The following DGLUCY variants were observed in gnomAD, a reference collection of about 807,000 sequenced individuals.
The protein encoded by DGLUCY is D-glutamate cyclase, also known as D-glutamate cyclase, mitochondrial.
In DGLUCY, 58 loss-of-function variants were observed where a neutral mutation model predicts 58.5. The observed-to-expected ratio is 0.99, with a 90% CI of 0.80 to 1.23. DGLUCY has a LOEUF of 1.23. Ranked by LOEUF, DGLUCY falls within the 50% of genes most tolerant of loss-of-function variation. The probability of loss-of-function intolerance (pLI) is 0.00; values close to 1 mark genes in which losing one functional copy is unlikely to be tolerated. For synonymous variants in DGLUCY, 325 were observed against 314.1 expected (o/e 1.03, Z -0.37); for missense variants, 779 against 784.7 (o/e 0.99, Z 0.09).
At chr14:91,143,132 G>T (rs1392917422) in intron 1 of DGLUCY, among the ~76,000 whole-genome samples, 1 of 149,352 alleles carries the variant, frequency 6.7e-6, no homozygotes. Flanking sequence ...GTCTTGCTCT[G>T]TCGCCCAGGC....
At chr14:91,131,650 G>A (rs982056089) in intron 1 of DGLUCY, among the ~76,000 whole-genome samples, 3 of 151,752 alleles carry the variant, frequency 2.0e-5, no homozygotes, top group Non-Finnish European at 2.9e-5. Context: ...GGTGTGTGAT[G>A]TTCCCCTTCC....
intron 1 of DGLUCY, among the ~76,000 whole-genome samples, chr14:91,089,587 C>T (rs902988048): frequency 2.0e-5 from 3 of 152,038 alleles, no homozygotes; most frequent in Non-Finnish European, 2.9e-5. Context: ...TTTGGGAGGC[C>T]GAGGCGAGCG....
intron 12 of DGLUCY, among the ~76,000 whole-genome samples, chr14:91,213,369 A>G (rs984439199): frequency 6.6e-6 from 1 of 152,118 alleles, no homozygotes; most frequent in Admixed American, 6.6e-5. Flanking sequence ...CAGGAAGCAG[A>G]GGTTGCAGTG....
chr14:91,167,069 G>A (rs2048324845), intron 3 of DGLUCY, among the ~76,000 whole-genome samples, 156 bp from the exon 4 acceptor site: 1 of 151,908 alleles, frequency 6.6e-6, no homozygotes, highest in Non-Finnish European at 1.5e-5. Context: ...AACCCAGGAG[G>A]CGGAGGTTGC....
At chr14:91,183,474 G>A (rs924433524) in intron 8 of DGLUCY, among the ~76,000 whole-genome samples, 4 of 152,136 alleles carry the variant, frequency 2.6e-5, no homozygotes, top group South Asian at 2.1e-4. Context: ...AGAGAATTAC[G>A]GTGTAGCCCA....
At chr14:91,194,143 C>T (rs756544702) in intron 9 of DGLUCY, among the ~76,000 whole-genome samples, 2 of 152,158 alleles carry the variant, frequency 1.3e-5, no homozygotes, top group East Asian at 3.8e-4. Flanking sequence ...ACCGTGTGCA[C>T]GACGGCCAGC....
At chr14:91,212,016 T>C (rs1033336759) in intron 12 of DGLUCY, among the ~76,000 whole-genome samples, 1 of 152,200 alleles carries the variant, frequency 6.6e-6, no homozygotes, top group African/African-American at 2.4e-5. Flanking sequence ...TTGGCCACAC[T>C]GGTCTCGAAC....
intron 3 of DGLUCY, chr14:91,165,356 A>G (rs1428703717): frequency 4.6e-6 from 2 of 435,654 alleles, no homozygotes; most frequent in Non-Finnish European, 9.2e-6. Context: ...GGTTGCTGCC[A>G]TCTTATAGAT....
intron 1 of DGLUCY, among the ~76,000 whole-genome samples, chr14:91,096,124 A>G (rs560644078): frequency 4.6e-5 from 7 of 152,174 alleles, no homozygotes; most frequent in Non-Finnish European, 5.9e-5. Flanking sequence ...TTTGTATTGC[A>G]CAAGTGGCCA....
chr14:91,125,287 A>G (rs1231362390), intron 1 of DGLUCY, among the ~76,000 whole-genome samples: 4 of 152,204 alleles, frequency 2.6e-5, no homozygotes, highest in Admixed American at 2.6e-4. Context: ...GCACCGGGGA[A>G]CAAGCATTTC....
Position 91,215,483 on chromosome 14 carries a change from T to G in DGLUCY, c.1643T>G (p.Leu548Arg). The stretch of plus-strand genomic sequence containing the variant: ...TCATGTGCTGTCCACAGTCAGTACC[T>G]GAGGAAAGCAGTCGGACCCTCCAGG... The part of the protein sequence containing the change: ...LYSCAVHSQY[L>R]RKAVGPSRAP... Residue 548 changes from leucine to arginine, a missense_variant, in exon 13 of 14, where the codon CTG becomes CGG. Transcript: ENST00000256324. 2.5e-6 allele frequency: 4 copies of G among 1,614,220 alleles called. No individual in the cohort carries two copies. Among genetic ancestry groups the G allele is most frequent in the Non-Finnish European group, 3.4e-6 (4 of 1,180,032 alleles).
At chr14:91,121,604 C>G (rs1315355184) in intron 1 of DGLUCY, among the ~76,000 whole-genome samples, 1 of 104,658 alleles carries the variant, frequency 9.6e-6, no homozygotes. Context: ...GAGACTCCAT[C>G]TCAAAAATAA....
upstream of DGLUCY, among the ~76,000 whole-genome samples, chr14:91,106,309 TA>T (rs1362725361): frequency 6.7e-6 from 1 of 148,238 alleles, no homozygotes; most frequent in Non-Finnish European, 1.5e-5. Flanking sequence ...CTCCATTCCC[TA>T]CCCCCCCCCA....
chr14:91,136,034 A>G lies in DGLUCY; in HGVS notation c.-81-21605A>G, dbSNP rs1020207947. On this transcript the variant is annotated intron_variant, in intron 1 of 13. Transcript: ENST00000256324. The stretch of plus-strand genomic sequence containing the variant: ...ACTGCAGGCTCCGCCTCCCAGGTTC[A>G]CGCCATTCTCCTGCCTCAGCCTCCC... Among the ~76,000 whole-genome samples, 4 of 141,276 alleles carry G rather than the reference A, an allele frequency of 2.8e-5. No homozygotes were observed. In the South Asian group the frequency reaches 8.9e-4, roughly 31 times the overall value. 92.7% of individuals were successfully genotyped at this position (141,276 alleles called of 152,430 possible). A position where few individuals can be genotyped will look rare whatever the true frequency, so the allele number is the denominator to read the frequency against.
At chr14:91,099,493 A>G (rs115934728) in intron 1 of DGLUCY, among the ~76,000 whole-genome samples, 4,136 of 150,692 alleles carry the variant, frequency 0.027, 196 homozygotes, top group African/African-American at 0.095. Flanking sequence ...CGATCGCACC[A>G]CTGTACTCCA....
chr14:91,149,485 G>A (rs977803651), intron 1 of DGLUCY, among the ~76,000 whole-genome samples: 1 of 152,178 alleles, frequency 6.6e-6, no homozygotes, highest in African/African-American at 2.4e-5. Flanking sequence ...TGGTTGAGCT[G>A]TGCAGTGCCA....
In DGLUCY at chr14:91,060,705, G is replaced by T; in HGVS notation, c.-82+1G>T. On this transcript the variant is annotated splice_donor_variant, in intron 1 of 4. Coordinates refer to the DGLUCY transcript ENST00000521334. LOFTEE classifies it low-confidence loss of function (5UTR_SPLICE). The stretch of plus-strand genomic sequence containing the variant: ...GGCCGCTCCGCCCACAGCCAGCAAG[G>T]TAAGGGAGCCATTCGAGCCGCCTTC... 1 of 341,952 alleles carries T rather than the reference G, an allele frequency of 2.9e-6. No individual in the cohort carries two copies. Among genetic ancestry groups the T allele is most frequent in the East Asian group, 4.4e-5 (1 of 22,696 alleles). The allele number at this position is 341,952 out of a possible 1,614,324, so 21.2% of individuals were successfully genotyped here.
chr14:91,062,064 G>T (rs773360319), intron 1 of DGLUCY, among the ~76,000 whole-genome samples: 3 of 152,152 alleles, frequency 2.0e-5, no homozygotes, highest in Non-Finnish European at 4.4e-5. Flanking sequence ...TTTAGGATTT[G>T]CAAGCTGTAT....
At position 91,213,026 on chromosome 14, in the gene DGLUCY, T is replaced by C. The variant is rs542304491; in HGVS notation, c.1565-2379T>C. ...TAAAAAAAAAAAAAAATCCCACCACTTTGGGAAGCCAAGGCAGGAGGATCA... is the reference window on the plus strand; with the variant it reads ...TAAAAAAAAAAAAAAATCCCACCACCTTGGGAAGCCAAGGCAGGAGGATCA... On this transcript the variant is annotated intron_variant, in intron 12 of 13. Transcript: ENST00000256324. 3.1e-4 allele frequency among the ~76,000 whole-genome samples: 47 copies of C among 150,464 alleles called. 1 individual carries two copies. The highest frequency in any genetic ancestry group is 1.5e-3 in the Admixed American group (23 of 15,096).
Sources: gnomAD v4.1 joint callset for allele counts (sites outside exome capture counted in the v4.1 genomes callset) on GRCh38, gnomAD v4.1.1 for gene constraint, MANE v1.5 for transcripts, NCBI Gene and HGNC (gene_info 2026-07-23, HGNC 2026-07-21) for gene names.